Variants in ASIC2 observed in about 807,000 individuals in gnomAD.
The protein encoded by ASIC2 is acid-sensing ion channel 2.
Under a neutral mutation model 57.3 loss-of-function variants are expected in ASIC2, and 25 were observed. The observed-to-expected ratio is 0.44, with a 90% confidence interval of 0.32 to 0.61. The LOEUF is 0.61. ASIC2 is among the 20% of genes least tolerant of loss of function. The pLI is 0.06. For synonymous variants in ASIC2, 319 were observed against 307.5 expected, an observed-to-expected ratio of 1.04 and a Z score of -0.39; for missense variants, 641 against 738.1, an observed-to-expected ratio of 0.87 and a Z score of 1.52.
chr17:33,584,965 A>G (rs1182165606), intron 1 of ASIC2, among the ~76,000 whole-genome samples: 2 of 152,082 alleles, frequency 1.3e-5, no homozygotes, highest in Non-Finnish European at 2.9e-5. Flanking sequence ...GAGCAGACAG[A>G]GAGAGGAGGG....
At chr17:33,950,415 A>T (rs1200243874) in intron 1 of ASIC2, among the ~76,000 whole-genome samples, 1 of 152,268 alleles carries the variant, frequency 6.6e-6, no homozygotes, top group Non-Finnish European at 1.5e-5. Context: ...TCCCTCAGCC[A>T]ATATCGAGAC....
chr17:33,419,636 T>A (rs1300088926), intron 1 of ASIC2, among the ~76,000 whole-genome samples: 1 of 152,256 alleles, frequency 6.6e-6, no homozygotes. Flanking sequence ...AATTCCTTTT[T>A]AAAGTATGTT....
intron 1 of ASIC2, among the ~76,000 whole-genome samples, chr17:33,136,561 A>G (rs1359181561): frequency 6.6e-6 from 1 of 152,200 alleles, no homozygotes; most frequent in African/African-American, 2.4e-5. Flanking sequence ...GCCCTTGCAA[A>G]CCAGTGATAG....
chr17:33,430,907 T>C (rs954825706), intron 1 of ASIC2, among the ~76,000 whole-genome samples: 3 of 151,980 alleles, frequency 2.0e-5, no homozygotes, highest in Admixed American at 6.5e-5. Context: ...CATTGGGTAA[T>C]GAGGTAAAGC....
chr17:33,097,698 G>A (rs1296206164), intron 2 of ASIC2, among the ~76,000 whole-genome samples: 4 of 152,220 alleles, frequency 2.6e-5, no homozygotes, highest in Non-Finnish European at 5.9e-5. Flanking sequence ...GGAAGGATGG[G>A]GAAGAAGAGT....
chr17:33,972,244 A>C (rs1256738353), intron 1 of ASIC2, among the ~76,000 whole-genome samples: 4 of 152,208 alleles, frequency 2.6e-5, no homozygotes, highest in Non-Finnish European at 5.9e-5. Flanking sequence ...TGAATCCCCC[A>C]AAGGTCCCAA....
At chr17:33,670,616 G>A (rs1343676372) in intron 1 of ASIC2, among the ~76,000 whole-genome samples, 1 of 152,158 alleles carries the variant, frequency 6.6e-6, no homozygotes, top group Admixed American at 6.5e-5. Context: ...AGCTACTCTT[G>A]GACTAGATCT....
intron 1 of ASIC2, among the ~76,000 whole-genome samples, chr17:33,391,213 G>T (rs1909877077): frequency 6.6e-6 from 1 of 152,190 alleles, no homozygotes; most frequent in African/African-American, 2.4e-5. Context: ...CCTTCCAGAA[G>T]GGATAGGATT....
intron 1 of ASIC2, among the ~76,000 whole-genome samples, chr17:33,867,870 C>T (rs1177082373): frequency 1.3e-5 from 2 of 152,200 alleles, no homozygotes; most frequent in Non-Finnish European, 2.9e-5. Flanking sequence ...ACCAGAGATA[C>T]AGCACTGCTG....
chr17:33,760,520 A>G (rs908447708), intron 1 of ASIC2, among the ~76,000 whole-genome samples: 10 of 150,726 alleles, frequency 6.6e-5, no homozygotes, highest in Non-Finnish European at 1.2e-4. Flanking sequence ...AAAGCTATAT[A>G]TGTGTGTGTG....
At chr17:33,797,592 C>T (rs1269271803) in intron 1 of ASIC2, among the ~76,000 whole-genome samples, 2 of 152,138 alleles carry the variant, frequency 1.3e-5, no homozygotes, top group African/African-American at 2.4e-5. Context: ...TGAAGCTTGG[C>T]TCTGTGTACA....
At chr17:34,005,244 G>A (rs1390883187) in intron 1 of ASIC2, 2 of 152,070 alleles carry the variant, frequency 1.3e-5, no homozygotes, top group African/African-American at 4.8e-5. Context: ...TCTGCCTCCA[G>A]TCCCAGCCTG....
intron 1 of ASIC2, among the ~76,000 whole-genome samples, chr17:33,230,880 C>T (rs1266480713): frequency 3.3e-5 from 5 of 152,048 alleles, no homozygotes; most frequent in Non-Finnish European, 5.9e-5. Flanking sequence ...AACGAAAATA[C>T]GTTCTATATG....
At chr17:33,472,917 T>C (rs1913102532) in intron 1 of ASIC2, among the ~76,000 whole-genome samples, 1 of 152,190 alleles carries the variant, frequency 6.6e-6, no homozygotes, top group African/African-American at 2.4e-5. Context: ...TCTTGGCCTA[T>C]TTGTTGTACT....
intron 1 of ASIC2, among the ~76,000 whole-genome samples, chr17:33,442,620 C>A (rs550307314): frequency 1.3e-5 from 2 of 151,902 alleles, no homozygotes; most frequent in Non-Finnish European, 2.9e-5. Context: ...TTATATCATG[C>A]GCCTTTGCTA....
At chr17:33,170,018 G>A (rs1361547073) in intron 1 of ASIC2, among the ~76,000 whole-genome samples, 1 of 152,204 alleles carries the variant, frequency 6.6e-6, no homozygotes, top group Non-Finnish European at 1.5e-5. Context: ...TGCTAGGAAG[G>A]CAGCAGAGGA....
chr17:33,626,187 G>A (rs934397690), intron 1 of ASIC2, among the ~76,000 whole-genome samples: 2 of 152,146 alleles, frequency 1.3e-5, no homozygotes, highest in Non-Finnish European at 2.9e-5. Context: ...AGCTTTGAAT[G>A]AATAAAATTG....
chr17:33,149,650 T>C (rs1254255848), intron 1 of ASIC2, among the ~76,000 whole-genome samples: 2 of 152,208 alleles, frequency 1.3e-5, no homozygotes, highest in Non-Finnish European at 2.9e-5. Flanking sequence ...ATTGCATGAG[T>C]GTCTTTCACA....
intron 1 of ASIC2, among the ~76,000 whole-genome samples, chr17:33,557,947 T>C (rs908888011): frequency 1.3e-5 from 2 of 152,174 alleles, no homozygotes; most frequent in African/African-American, 4.8e-5. Context: ...GAGCTTCCTT[T>C]TCTCTGCAAA....
Sources: gnomAD v4.1 joint callset for allele counts (sites outside exome capture counted in the v4.1 genomes callset) on GRCh38, gnomAD v4.1.1 for gene constraint, MANE v1.5 for transcripts, NCBI Gene and HGNC (gene_info 2026-07-23, HGNC 2026-07-21) for gene names.